The following CFHR3 variants were observed in gnomAD, a reference collection of about 807,000 sequenced individuals.
The protein encoded by CFHR3 is complement factor H-related protein 3.
A neutral mutation model predicts 36.0 loss-of-function variants in CFHR3; 22 were observed. The observed-to-expected ratio is 0.61, with a 90% CI of 0.44 to 0.87. The LOEUF (loss-of-function observed/expected upper bound fraction) is 0.87. Ranked by LOEUF, CFHR3 falls within the 40% of genes least tolerant of loss-of-function variation. CFHR3 has a pLI of 0.00. For missense variants in CFHR3, 276 were observed against 401.3 expected (o/e 0.69, Z 2.67); for synonymous variants, 97 against 137.4 (o/e 0.71, Z 2.06).
chr1:196,794,642 A>G lies in CFHR3; in HGVS notation c.*1129A>G, dbSNP rs1654528622. 5.2e-6 allele frequency: 2 copies of G among 387,824 alleles called. No individual in the cohort carries two copies. Among genetic ancestry groups the G allele is most frequent in the African/African-American group, 5.6e-5 (2 of 35,686 alleles). The allele number at this position is 387,824 out of a possible 1,614,324, so 24.0% of individuals were successfully genotyped here. A position where few individuals can be genotyped will look rare whatever the true frequency, so the allele number is the denominator to read the frequency against. ...TTTTTTTTTGTCTTTTCTCCTGTTAATTGCCTTCACTCTCTTTCTGTTCTG... is the reference window on the plus strand; with the variant it reads ...TTTTTTTTTGTCTTTTCTCCTGTTAGTTGCCTTCACTCTCTTTCTGTTCTG... On this transcript the variant is annotated 3_prime_UTR_variant, in exon 6 of 6. Coordinates refer to ENST00000367425, the MANE Select transcript of CFHR3 (RefSeq NM_021023.6).
chr1:196,795,392 T>G lies in CFHR3; in HGVS notation c.*1879T>G, dbSNP rs2124868959. The G allele has an allele frequency of 1.5e-5, 2 of 137,450 alleles. 1 individual carries two copies. Among genetic ancestry groups the G allele is most frequent in the South Asian group, 5.1e-4 (2 of 3,954 alleles). 8.5% of individuals were successfully genotyped at this position (137,450 alleles called of 1,614,324 possible). A position where few individuals can be genotyped will look rare whatever the true frequency, so the allele number is the denominator to read the frequency against. ...TGGAACTGTGAGTCCATTAAACCTC[T>G]TTCCTTTATAAATTACCTAGTCTCA... On this transcript the variant is annotated 3_prime_UTR_variant, in exon 6 of 6. Transcript: ENST00000367425.
At position 196,788,196 on chromosome 1, in the gene CFHR3, C is replaced by A. The variant is rs1232991444; in HGVS notation, c.431-20C>A. On this transcript the variant is annotated intron_variant, in intron 3 of 5. Coordinates refer to ENST00000367425, the MANE Select transcript of CFHR3 (RefSeq NM_021023.6). ...CTATTCAACTAATATTTACTTTTTT[C>A]TTGACTTTTTCTATTTTAGGAACAT... The A allele has an allele frequency of 6.9e-7, 1 of 1,448,990 alleles. No individual in the cohort carries two copies. The highest frequency in any genetic ancestry group is 9.2e-7 in the Non-Finnish European group (1 of 1,082,388). 89.8% of individuals were successfully genotyped at this position (1,448,990 alleles called of 1,614,324 possible). A position where few individuals can be genotyped will look rare whatever the true frequency, so the allele number is the denominator to read the frequency against.
chr1:196,780,884 C>T (rs1653920497), intron 3 of CFHR3, among the ~76,000 whole-genome samples: 1 of 131,476 alleles, frequency 7.6e-6, no homozygotes. Flanking sequence ...ATGTGCCATG[C>T]TGGTGTGCTG....
At chr1:196,793,107 C>A (rs1654475534) in intron 5 of CFHR3, among the ~76,000 whole-genome samples, 1 of 134,844 alleles carries the variant, frequency 7.4e-6, no homozygotes, top group Admixed American at 7.1e-5. Context: ...TATCACCTCA[C>A]CTGATGATCT....
At position 196,786,588 on chromosome 1, in the gene CFHR3, G is replaced by A. The variant is rs974227626; in HGVS notation, c.431-1628G>A. ...ATGCTAGCAATCAGAGAGACTCCGT[G>A]GGCATAGGACCCTCTGAGCCAGGTG... On this transcript the variant is annotated intron_variant, in intron 3 of 5. Coordinates refer to ENST00000367425, the MANE Select transcript of CFHR3 (RefSeq NM_021023.6). Among the ~76,000 whole-genome samples, 9 of 136,090 alleles carry A rather than the reference G, an allele frequency of 6.6e-5. 2 individuals carry two copies. Among genetic ancestry groups the A allele is most frequent in the African/African-American group, 2.8e-4 (9 of 32,344 alleles). 89.3% of individuals were successfully genotyped at this position (136,090 alleles called of 152,430 possible). A position where few individuals can be genotyped will look rare whatever the true frequency, so the allele number is the denominator to read the frequency against.
Position 196,779,930 on chromosome 1 carries a change from T to C in CFHR3, c.387T>C (p.Cys129=), listed in dbSNP as rs1220023731. The part of the protein sequence containing the change: ...GLPKAQTTVT[C]TEKGWSPTPR... ...CAAAAGCGCAGACCACAGTTACATG[T>C]ACGGAGAAAGGCTGGTCTCCTACTC... Residue 129 remains cysteine (C), a synonymous_variant, in exon 3 of 6, where the codon TGT becomes TGC. Coordinates refer to ENST00000367425, the MANE Select transcript of CFHR3 (RefSeq NM_021023.6). 1 of 1,533,402 alleles carries C rather than the reference T, an allele frequency of 6.5e-7. No homozygotes were observed. The highest frequency in any genetic ancestry group is 1.6e-5 in the African/African-American group (1 of 60,622). The allele number at this position is 1,533,402 out of a possible 1,614,324, so 95.0% of individuals were successfully genotyped here.
chr1:196,787,776 C>CA (rs1654266697), intron 3 of CFHR3, among the ~76,000 whole-genome samples: 1 of 137,200 alleles, frequency 7.3e-6, no homozygotes, highest in Admixed American at 7.0e-5. Context: ...AAAGGATTTA[C>CA]AAAATTACTT....
At chr1:196,789,036 G>C in intron 4 of CFHR3, 1 of 1,235,190 alleles carries the variant, frequency 8.1e-7, no homozygotes, top group Non-Finnish European at 1.0e-6. Context: ...CCTTTACTTA[G>C]TATGATAAAG....
Position 196,778,280 on chromosome 1 carries a change from C to T in CFHR3, c.59-882C>T, listed in dbSNP as rs1653812448. 1.5e-5 allele frequency among the ~76,000 whole-genome samples: 2 copies of T among 136,464 alleles called. 1 individual carries two copies. The highest frequency in any genetic ancestry group is 6.1e-5 in the African/African-American group (2 of 32,680). 89.5% of individuals were successfully genotyped at this position (136,464 alleles called of 152,430 possible). On this transcript the variant is annotated intron_variant, in intron 1 of 5. Transcript: ENST00000367425. Reference sequence around the variant, plus strand: ...CCCACAAAGTAAAGATGTCACTTCTCTGAACTTAGTCTTCTCATCTGCACA... The same window carrying T: ...CCCACAAAGTAAAGATGTCACTTCTTTGAACTTAGTCTTCTCATCTGCACA...
At chr1:196,780,099 A>C in intron 3 of CFHR3, 126 bp downstream of exon 3, 1 of 1,250,664 alleles carries the variant, frequency 8.0e-7, no homozygotes, top group Admixed American at 2.0e-5. Context: ...CAACGGACCT[A>C]TTTAGTTTTA....
chr1:196,784,038 T>C (rs1400797129), intron 3 of CFHR3, among the ~76,000 whole-genome samples: 1 of 137,018 alleles, frequency 7.3e-6, no homozygotes, highest in Non-Finnish European at 1.5e-5. Context: ...ACATCTTTAT[T>C]TCTGCCTTCA....
intron 5 of CFHR3, among the ~76,000 whole-genome samples, chr1:196,792,827 A>G (rs1364396441): frequency 3.6e-5 from 5 of 137,348 alleles, no homozygotes; most frequent in Non-Finnish European, 6.2e-5. Flanking sequence ...ACAGATGACT[A>G]TTAGAAAGAT....
Position 196,788,297 on chromosome 1 carries a change from T to C in CFHR3, c.512T>C (p.Ile171Thr), listed in dbSNP as rs5002710. 2.4e-5 allele frequency: 36 copies of C among 1,494,680 alleles called. 1 individual carries two copies. In the African/African-American group the frequency reaches 6.0e-4, roughly 25 times the overall value. 92.6% of individuals were successfully genotyped at this position (1,494,680 alleles called of 1,614,324 possible). A position where few individuals can be genotyped will look rare whatever the true frequency, so the allele number is the denominator to read the frequency against. ...TCTATTTATATTTTAAATAAAGAAA[T>C]ACAATATAAATGTAAACCAGGATAT... ...SSSIYILNKEIQYKCKPGYAT... is the reference protein window; with the variant it reads ...SSSIYILNKETQYKCKPGYAT... Residue 171 changes from isoleucine to threonine, a missense_variant, in exon 4 of 6, where the codon ATA becomes ACA. This residue lies in a region of CFHR3 where 178 missense variants were observed against 247.2 expected (regional missense o/e 0.72). Coordinates refer to ENST00000367425, the MANE Select transcript of CFHR3 (RefSeq NM_021023.6).
intron 3 of CFHR3, among the ~76,000 whole-genome samples, chr1:196,781,789 G>A (rs61822221): frequency 5.2e-5 from 7 of 134,012 alleles, no homozygotes; most frequent in South Asian, 2.7e-4. Flanking sequence ...TTTGCTGTGC[G>A]GAAGCTCTTT....
chr1:196,795,007 G>T lies in CFHR3; in HGVS notation c.*1494G>T, dbSNP rs2124868636. The T allele has an allele frequency of 7.3e-6, 1 of 136,864 alleles. No homozygotes were observed. The highest frequency in any genetic ancestry group is 2.0e-4 in the East Asian group (1 of 5,106). The allele number at this position is 136,864 out of a possible 1,614,324, so 8.5% of individuals were successfully genotyped here. On this transcript the variant is annotated 3_prime_UTR_variant, in exon 6 of 6. Coordinates refer to ENST00000367425, the MANE Select transcript of CFHR3 (RefSeq NM_021023.6). ...AGTTTTCAAATAACAGGTTTGCAGA[G>T]ACTGGAGAATAAAAAGTAAAAAATT...
intron 3 of CFHR3, among the ~76,000 whole-genome samples, chr1:196,783,828 T>C (rs572718822): frequency 7.3e-6 from 1 of 136,608 alleles, no homozygotes; most frequent in South Asian, 2.6e-4. Context: ...ATTTTAGTTA[T>C]TTCTTGCCTT....
At position 196,779,726 on chromosome 1, in the gene CFHR3, T is replaced by C; in HGVS notation, c.254-71T>C. 1.4e-6 allele frequency: 2 copies of C among 1,420,686 alleles called. 1 individual carries two copies. The highest frequency in any genetic ancestry group is 1.9e-6 in the Non-Finnish European group (2 of 1,065,498). The allele number at this position is 1,420,686 out of a possible 1,614,324, so 88.0% of individuals were successfully genotyped here. A position where few individuals can be genotyped will look rare whatever the true frequency, so the allele number is the denominator to read the frequency against. ...TCTTATTTAAATATGGTAACAATAATTTTAATATACTTTTTGTGCAAATTT... is the reference window on the plus strand; with the variant it reads ...TCTTATTTAAATATGGTAACAATAACTTTAATATACTTTTTGTGCAAATTT... On this transcript the variant is annotated intron_variant, in intron 2 of 5. Coordinates refer to ENST00000367425, the MANE Select transcript of CFHR3 (RefSeq NM_021023.6).
Position 196,776,439 on chromosome 1 carries a change from C to A in CFHR3, c.58+1495C>A. Among the ~76,000 whole-genome samples, 2 of 137,526 alleles carry A rather than the reference C, an allele frequency of 1.5e-5. 1 individual carries two copies. The highest frequency in any genetic ancestry group is 3.1e-5 in the Non-Finnish European group (2 of 64,638). The allele number at this position is 137,526 out of a possible 152,430, so 90.2% of individuals were successfully genotyped here. The stretch of plus-strand genomic sequence containing the variant: ...CCCGCCAAAATTCATTTGTTAAAGT[C>A]CAAATTCCCAATACCTGAGAATGTG... On this transcript the variant is annotated intron_variant, in intron 1 of 5. Transcript: ENST00000367425.
At position 196,779,183 on chromosome 1, in the gene CFHR3, A is replaced by T. The variant is rs1428239390; in HGVS notation, c.80A>T (p.Asp27Val). The change falls in exon 2 of 6, where the codon GAC (aspartate) becomes GTC (valine). Residue 27 changes from aspartate to valine, a missense_variant. By Grantham distance (152) the Asp-to-Val change is radical (BLOSUM62 -3). Coordinates refer to ENST00000367425, the MANE Select transcript of CFHR3 (RefSeq NM_021023.6). ...CAAGTGAAACCTTGTGATTTTCCAG[A>T]CATTAAACATGGAGGTCTATTTCAT... is the stretch of plus-strand genomic sequence containing the variant. ...NGQVKPCDFP[D>V]IKHGGLFHEN... 1 of 1,528,588 alleles carries T rather than the reference A, an allele frequency of 6.5e-7. No homozygotes were observed. The highest frequency in any genetic ancestry group is 8.9e-7 in the Non-Finnish European group (1 of 1,129,406). 94.7% of individuals were successfully genotyped at this position (1,528,588 alleles called of 1,614,324 possible).
Sources: gnomAD v4.1 joint callset for allele counts (sites outside exome capture counted in the v4.1 genomes callset) on GRCh38, gnomAD v4.1.1 for gene constraint, gnomAD v4.1.1 regional missense constraint, MANE v1.5 for transcripts, NCBI Gene and HGNC (gene_info 2026-07-23, HGNC 2026-07-21) for gene names.